The following PCDHGB1 variants were observed in gnomAD, a reference collection of about 807,000 sequenced individuals.
PCDHGB1 encodes protocadherin gamma-B1.
In PCDHGB1, 34 loss-of-function variants were observed where a neutral mutation model predicts 56.6. That is an observed-to-expected ratio of 0.60 (90% CI 0.46 to 0.80). PCDHGB1 has a LOEUF of 0.80. Ranked by LOEUF, PCDHGB1 falls within the 30% of genes least tolerant of loss-of-function variation. The pLI, the probability that PCDHGB1 is intolerant of heterozygous loss-of-function variation, is 0.00. For missense variants in PCDHGB1, 1,278 were observed against 1,204.6 expected (o/e 1.06, Z -0.90); for synonymous variants, 561 against 505.9 (o/e 1.11, Z -1.46).
chr5:141,356,836 G>A, intron 1 of PCDHGB1: 1 of 1,614,160 alleles, frequency 6.2e-7, no homozygotes, highest in Non-Finnish European at 8.5e-7. Context: ...CAGCAGCAAT[G>A]TGTCACTGAG....
At chr5:141,395,131 C>T in intron 1 of PCDHGB1, 1 of 1,614,202 alleles carries the variant, frequency 6.2e-7, no homozygotes, top group Non-Finnish European at 8.5e-7. Flanking sequence ...TTTCCCCAGC[C>T]CAACTACGCA....
chr5:141,409,591 G>A (rs72790040), intron 1 of PCDHGB1: 42,493 of 1,613,766 alleles, frequency 0.026, 744 homozygotes, highest in East Asian at 0.041. Context: ...ACGTGGCCGA[G>A]AACAACCCGC....
At chr5:141,494,075 C>T (rs1482844644) in intron 1 of PCDHGB1, among the ~76,000 whole-genome samples, 7 of 152,322 alleles carry the variant, frequency 4.6e-5, no homozygotes, top group East Asian at 1.9e-4. Context: ...GATCCCTCCC[C>T]GCTGCATCCC....
intron 1 of PCDHGB1, among the ~76,000 whole-genome samples, chr5:141,380,915 G>A (rs1452983675): frequency 6.6e-6 from 1 of 152,180 alleles, no homozygotes. Context: ...TGCTTACATT[G>A]TTTAATAATC....
At chr5:141,502,767 C>T (rs970206343) in intron 2 of PCDHGB1, among the ~76,000 whole-genome samples, 1 of 151,756 alleles carries the variant, frequency 6.6e-6, no homozygotes, top group East Asian at 1.9e-4. Flanking sequence ...TGCTGGTATT[C>T]TTCTGAAAAT....
Position 141,432,248 on chromosome 5 carries a change from C to T in PCDHGB1, c.2410-62559C>T. Reference sequence around the variant, plus strand: ...TTATTCCCTGGCTGAGAACACCATCCAAGGGGCAAGCCTATCGTCCTACGT... The same window carrying T: ...TTATTCCCTGGCTGAGAACACCATCTAAGGGGCAAGCCTATCGTCCTACGT... On this transcript the variant is annotated intron_variant, in intron 1 of 3. Transcript: ENST00000523390. This position sits in a 1 kb window ranked among gnomAD's most constrained non-coding sequence, Gnocchi z 6.0. 1.2e-6 allele frequency: 2 copies of T among 1,614,244 alleles called. No individual in the cohort carries two copies. Among genetic ancestry groups the T allele is most frequent in the South Asian group, 1.1e-5 (1 of 91,090 alleles).
At chr5:141,375,754 C>A (rs764343077) in intron 1 of PCDHGB1, 1 of 1,614,244 alleles carries the variant, frequency 6.2e-7, no homozygotes, top group East Asian at 2.2e-5. Flanking sequence ...ACCAGAATGA[C>A]AATGCGCCCG....
intron 1 of PCDHGB1, among the ~76,000 whole-genome samples, chr5:141,473,413 G>A (rs1282997381): frequency 6.6e-6 from 1 of 152,156 alleles, no homozygotes; most frequent in Non-Finnish European, 1.5e-5. Context: ...CTTCTTCAGT[G>A]GGGGAAGCAG....
At chr5:141,362,193 A>G (rs747599782) in intron 1 of PCDHGB1, 54 of 1,613,866 alleles carry the variant, frequency 3.3e-5, no homozygotes, top group Middle Eastern at 1.6e-4. Flanking sequence ...ACCCCCAGGC[A>G]AAACTGCAGT....
intron 1 of PCDHGB1, chr5:141,421,788 G>T: frequency 6.2e-7 from 1 of 1,613,800 alleles, no homozygotes; most frequent in Non-Finnish European, 8.5e-7. Flanking sequence ...GGGGCAGAAC[G>T]GATGGGGCCA....
At chr5:141,501,103 G>A (rs1449600108) in intron 2 of PCDHGB1, among the ~76,000 whole-genome samples, 9 of 152,078 alleles carry the variant, frequency 5.9e-5, no homozygotes, top group African/African-American at 1.4e-4. Context: ...TCTTGACCTC[G>A]TGATCCGCCT....
chr5:141,446,191 T>C (rs2098492956), intron 1 of PCDHGB1, among the ~76,000 whole-genome samples: 1 of 152,206 alleles, frequency 6.6e-6, no homozygotes, highest in Non-Finnish European at 1.5e-5. Flanking sequence ...TGTTTATTAT[T>C]ATATTCCTAG....
intron 1 of PCDHGB1, among the ~76,000 whole-genome samples, chr5:141,449,974 A>T (rs2098661108): frequency 6.6e-6 from 1 of 151,260 alleles, no homozygotes; most frequent in African/African-American, 2.4e-5. Context: ...TTTAGTCCAA[A>T]ATATCACACA....
chr5:141,383,043 C>T, intron 1 of PCDHGB1: 1 of 1,613,860 alleles, frequency 6.2e-7, no homozygotes, highest in Non-Finnish European at 8.5e-7. Flanking sequence ...TGGGAGACAT[C>T]GCCAAGGACC....
intron 1 of PCDHGB1, chr5:141,376,448 G>A: frequency 6.2e-7 from 1 of 1,614,174 alleles, no homozygotes. Context: ...TGAGAAAAGC[G>A]AGCCTCTTCT....
intron 1 of PCDHGB1, chr5:141,423,131 A>G (rs370773437): frequency 1.9e-6 from 3 of 1,613,538 alleles, no homozygotes; most frequent in Admixed American, 1.7e-5. Context: ...GCACTGCTGG[A>G]CAGAGACGCG....
At chr5:141,500,417 G>A in intron 2 of PCDHGB1, among the ~76,000 whole-genome samples, 1 of 151,736 alleles carries the variant, frequency 6.6e-6, no homozygotes, top group East Asian at 2.0e-4. Flanking sequence ...CACCGTGTTA[G>A]CCAGGATGGT....
In PCDHGB1 at chr5:141,409,582, C is replaced by A. The variant is rs2095287974; in HGVS notation, c.2409+56913C>A. On this transcript the variant is annotated intron_variant, in intron 1 of 3. Coordinates refer to ENST00000523390, the MANE Select transcript of PCDHGB1 (RefSeq NM_018922.3). ...TCGACCAGACGTCCTACGTGGTCCA[C>A]GTGGCCGAGAACAACCCGCCAGGAG... 2.5e-6 allele frequency: 4 copies of A among 1,613,914 alleles called. No homozygotes were observed. The Middle Eastern group carries it at 4.9e-4, about 200-fold the overall frequency.
At chr5:141,457,929 C>T (rs1207409757) in intron 1 of PCDHGB1, among the ~76,000 whole-genome samples, 2 of 152,194 alleles carry the variant, frequency 1.3e-5, no homozygotes, top group Non-Finnish European at 2.9e-5. Context: ...CCCCAAGGGG[C>T]TTTTATTGGC....
Sources: allele counts gnomAD v4.1 joint callset (sites outside exome capture counted in the v4.1 genomes callset), GRCh38; gene constraint gnomAD v4.1.1; non-coding constraint Gnocchi (gnomAD v3.1); transcripts MANE v1.5; gene names NCBI Gene and HGNC (gene_info 2026-07-23, HGNC 2026-07-21).